The following FAM153A variants were observed in gnomAD, a reference collection of about 807,000 sequenced individuals.
FAM153A encodes the protein protein FAM153A.
A neutral mutation model predicts 48.1 loss-of-function variants in FAM153A; 12 were observed. That is an observed-to-expected ratio of 0.25 (90% CI 0.16 to 0.40). The LOEUF (loss-of-function observed/expected upper bound fraction) is 0.40. FAM153A is among the 10% of genes least tolerant of loss of function. FAM153A has a pLI of 1.00. For synonymous variants in FAM153A, 36 were observed against 118.2 expected (o/e 0.30, Z 4.51); for missense variants, 111 against 345.8 (o/e 0.32, Z 5.38).
chr5:177,713,132 C>T (rs1274765903), exon 27 of FAM153A: 2 of 152,042 alleles, frequency 1.3e-5, no homozygotes, highest in Non-Finnish European at 2.9e-5. Context: ...CACCATTTCA[C>T]ACTGAAGTCC....
chr5:177,709,682 T>TG (rs1158071708), downstream of FAM153A, among the ~76,000 whole-genome samples: 2 of 143,232 alleles, frequency 1.4e-5, no homozygotes, highest in African/African-American at 2.6e-5. Flanking sequence ...TTGTTTTTTT[T>TG]TTTTTTTGAC....
chr5:177,729,577 A>C, intron 16 of FAM153A, 22 bp from the exon 19 acceptor site: 1 of 1,608,904 alleles, frequency 6.2e-7, no homozygotes, highest in Non-Finnish European at 8.5e-7. Flanking sequence ...AGTCGCTATA[A>C]GCACATGAGC....
At chr5:177,699,082 C>G in the FAM153A span, among the ~76,000 whole-genome samples, 1 of 151,728 alleles carries the variant, frequency 6.6e-6, no homozygotes, top group Non-Finnish European at 1.5e-5. Flanking sequence ...TCTACAGGTA[C>G]ATGCTTCTGC....
chr5:177,695,927 GGGCACTCCCCACTTCCCAGACGGGGT>G, the FAM153A span, among the ~76,000 whole-genome samples: 43 of 93,444 alleles, frequency 4.6e-4, no homozygotes, highest in African/African-American at 2.1e-3. Flanking sequence ...GGCCGGGCAG[GGGCACTCCCCACTTCCCAGACGGGGT>G]GGCGGCTGGG....
At chr5:177,711,958 C>G (rs1340636688) in exon 27 of FAM153A, 1 of 151,706 alleles carries the variant, frequency 6.6e-6, no homozygotes, top group Non-Finnish European at 1.5e-5. Flanking sequence ...GCTGACCATT[C>G]TTCTTCTTTA....
intron 1 of FAM153A, among the ~76,000 whole-genome samples, chr5:177,764,393 C>T (rs1235105825): frequency 9.3e-5 from 14 of 150,926 alleles, no homozygotes; most frequent in Non-Finnish European, 1.9e-4. Flanking sequence ...AGGGCGACTT[C>T]GGCTGGACCC....
intron 6 of FAM153A, among the ~76,000 whole-genome samples, chr5:177,743,448 C>T (rs1219513506): frequency 2.2e-5 from 2 of 89,116 alleles, no homozygotes; most frequent in African/African-American, 8.8e-5. Flanking sequence ...GAAACCATGA[C>T]TAGGCTGAGG....
intron 4 of FAM153A, among the ~76,000 whole-genome samples, chr5:177,746,703 C>T (rs1766071162): frequency 6.6e-6 from 1 of 150,836 alleles, no homozygotes; most frequent in African/African-American, 2.5e-5. Flanking sequence ...CTCACACTGG[C>T]TCCAGGAATG....
At chr5:177,781,820 G>C (rs1474597789), upstream of FAM153A, 1 of 96,176 alleles carries the variant, frequency 1.0e-5, no homozygotes, top group Non-Finnish European at 2.2e-5. Context: ...CCGGGTTCAC[G>C]CCATTCTCCT....
At chr5:177,695,084 TG>T in the FAM153A span, among the ~76,000 whole-genome samples, 1 of 132,452 alleles carries the variant, frequency 7.5e-6, no homozygotes. Context: ...CCACCATGCC[TG>T]GCTAATTTTT....
intron 26 of FAM153A, among the ~76,000 whole-genome samples, chr5:177,713,522 GC>G (rs1758920728): frequency 6.6e-6 from 1 of 151,536 alleles, no homozygotes; most frequent in Admixed American, 6.6e-5. Context: ...CTCCCAAAGT[GC>G]TGGGATTACA....
upstream of FAM153A, among the ~76,000 whole-genome samples, chr5:177,757,974 C>T (rs1767916640): frequency 1.3e-5 from 2 of 151,982 alleles, no homozygotes; most frequent in South Asian, 4.2e-4. Context: ...GAAGTTCTGG[C>T]CAGGGCAATC....
At chr5:177,713,225 T>C (rs1758780652) in intron 26 of FAM153A, 1 of 151,720 alleles carries the variant, frequency 6.6e-6, no homozygotes, top group Non-Finnish European at 1.5e-5. Flanking sequence ...TTTTGGCAAC[T>C]GTTTCTTACG....
At position 177,716,741 on chromosome 5, in the gene FAM153A, A is replaced by G. The variant is rs190572900; in HGVS notation, c.*1152-326T>C. ...TGGCCACAGATTGACATATGCATAA[A>G]GCTTATCAACTATCACATAACACAT... is the stretch of plus-strand genomic sequence containing the variant. On this transcript the variant is annotated intron_variant and NMD_transcript_variant, in intron 24 of 26. Coordinates refer to the FAM153A transcript ENST00000360669. Among the ~76,000 whole-genome samples, 137 of 152,026 alleles carry G rather than the reference A, an allele frequency of 9.0e-4. 1 individual carries two copies. Among genetic ancestry groups the G allele is most frequent in the African/African-American group, 3.2e-3 (133 of 41,300 alleles).
intron 1 of FAM153A, among the ~76,000 whole-genome samples, chr5:177,779,152 C>T (rs1462593140): frequency 6.6e-6 from 1 of 151,406 alleles, no homozygotes; most frequent in Non-Finnish European, 1.5e-5. Flanking sequence ...TATGGTTGAC[C>T]CATTCAAGGC....
chr5:177,746,097 C>G (rs1283120062), intron 4 of FAM153A, among the ~76,000 whole-genome samples: 1 of 151,600 alleles, frequency 6.6e-6, no homozygotes, highest in African/African-American at 2.4e-5. Flanking sequence ...CCCGAGTTCA[C>G]ATGTGCCTCT....
In FAM153A at chr5:177,747,497, A is replaced by G. The variant is rs545716862; in HGVS notation, c.259+272T>C. On this transcript the variant is annotated intron_variant, in intron 4 of 20. Coordinates refer to ENST00000614127, the Ensembl canonical transcript of FAM153A. ...ACACAAACTCGCAGAGACATTCACA[A>G]TCATTCCACATTGAGTCATTCCTCC... 2.9e-5 allele frequency: 13 copies of G among 452,900 alleles called. 1 individual carries two copies. The East Asian group carries it at 6.1e-4, about 21-fold the overall frequency. The allele number at this position is 452,900 out of a possible 1,614,324, so 28.1% of individuals were successfully genotyped here.
intron 2 of FAM153A, among the ~76,000 whole-genome samples, chr5:177,749,001 T>C (rs1245377048): frequency 2.1e-5 from 3 of 143,554 alleles, no homozygotes; most frequent in Non-Finnish European, 4.6e-5. Context: ...ATCACCCCCT[T>C]GTGCATTTTG....
rs774084490 is a variant in FAM153A at position 177,778,261 on chromosome 5, TAAAAAAAA to T, written c.-57+2180_-57+2187del. ...ATGTACCCTAAAACTTAGAGTATAA[TAAAAAAAA>T]AAAAAAAAAAAAAAAAGAAATAAGT... On this transcript the variant is annotated intron_variant, in intron 1 of 8. Coordinates refer to the FAM153A transcript ENST00000393518. Among the ~76,000 whole-genome samples the T allele has an allele frequency of 2.0e-4, 4 of 20,044 alleles. 1 individual carries two copies. The highest frequency in any genetic ancestry group is 1.2e-3 in the African/African-American group (4 of 3,354). 13.1% of individuals were successfully genotyped at this position (20,044 alleles called of 152,430 possible).
Sources: gnomAD v4.1 joint callset for allele counts (sites outside exome capture counted in the v4.1 genomes callset) on GRCh38, gnomAD v4.1.1 for gene constraint, MANE v1.5 for transcripts, NCBI Gene and HGNC (gene_info 2026-07-23, HGNC 2026-07-21) for gene names.